Variants in IDS observed in about 807,000 individuals in gnomAD.
The protein encoded by IDS is iduronate 2-sulfatase, also known as alpha-L-iduronate sulfate sulfatase.
In IDS, 1 loss-of-function variant was observed where a neutral mutation model predicts 33.5. That is an observed-to-expected ratio of 0.03 (90% CI 0.01 to 0.14). The LOEUF is 0.14. Ranked by LOEUF, IDS falls within the 10% of genes least tolerant of loss-of-function variation. The pLI is 1.00. For synonymous variants in IDS, 191 were observed against 184.4 expected (o/e 1.04, Z -0.29); for missense variants, 328 against 448.0 (o/e 0.73, Z 2.42).
At chrX:149,487,445 C>T in intron 7 of IDS, 2 of 515,921 alleles carry the variant, frequency 3.9e-6, no homozygotes, top group Non-Finnish European at 6.8e-6. Context: ...CATGCTCATT[C>T]TTGACAGGCT....
intron 4 of IDS, 109 bp downstream of exon 4, chrX:149,500,840 C>A: frequency 1.8e-6 from 1 of 567,698 alleles, no homozygotes; most frequent in Non-Finnish European, 3.1e-6. Context: ...ATGAAACCCA[C>A]AACTTCGTGG....
intron 3 of IDS, chrX:149,502,220 G>C (rs1557340080): frequency 1.2e-5 from 4 of 320,558 alleles, no homozygotes; most frequent in Non-Finnish European, 2.4e-5. Context: ...ATGGTGCTTA[G>C]AGCCTGGTGC....
chrX:149,491,845 C>T (rs920556746), intron 6 of IDS, among the ~76,000 whole-genome samples: 2 of 112,311 alleles, frequency 1.8e-5, no homozygotes, highest in Non-Finnish European at 3.8e-5. Context: ...ATCAGTGAGG[C>T]CTGCTGGGTC....
Position 149,480,186 on chromosome X carries a change from G to T in IDS, c.*2560C>A. On this transcript the variant is annotated 3_prime_UTR_variant, in exon 9 of 9. Coordinates refer to ENST00000340855, the MANE Select transcript of IDS (RefSeq NM_000202.8). ...CTGTCTAGACCCAGTAGTAGGCACT[G>T]ACGGTGTTATCAAAGGACAGGATCA... 1 of 292,497 alleles carries T rather than the reference G, an allele frequency of 3.4e-6. No homozygotes were observed. The highest frequency in any genetic ancestry group is 2.1e-4 in the South Asian group (1 of 4,776). 24.1% of individuals were successfully genotyped at this position (292,497 alleles called of 1,213,427 possible).
At chrX:149,491,856 T>C (rs782737314) in intron 6 of IDS, among the ~76,000 whole-genome samples, 2 of 112,425 alleles carry the variant, frequency 1.8e-5, no homozygotes, top group Middle Eastern at 4.6e-3. Flanking sequence ...CTGCTGGGTC[T>C]GTCCTGCAGA....
chrX:149,501,231 C>T (rs2089478256), intron 3 of IDS, among the ~76,000 whole-genome samples, 194 bp from the exon 4 acceptor site: 1 of 111,868 alleles, frequency 8.9e-6, no homozygotes, highest in Admixed American at 9.4e-5. Context: ...ACTTCCTGGT[C>T]CCTAAGCCCT....
At chrX:149,501,093 C>A in intron 3 of IDS, 56 bp from the exon 4 acceptor site, 1 of 740,807 alleles carries the variant, frequency 1.3e-6, no homozygotes, top group Non-Finnish European at 2.1e-6. Context: ...ACCCCACTCC[C>A]CATAATTAAA....
At position 149,505,098 on chromosome X, in the gene IDS, C is replaced by G. The variant is rs1557340590; in HGVS notation, c.40G>C (p.Gly14Arg). The change falls in exon 1 of 9, where the codon GGT becomes CGT. Residue 14 changes from glycine (G) to arginine (R), a missense_variant. Physicochemically the swap from Gly to Arg is moderately radical, Grantham distance 125. This residue lies in a region of IDS where 45 missense variants were observed against 33.6 expected (regional missense o/e 1.34). Transcript: ENST00000340855. ...PRTGRGLLWL[G>R]LVLSSVCVAL... ...ACGCAGACGGAGCTCAGAACCAGAC[C>G]CAGCCAGAGAAGGCCTCGGCCGGTC... 8.3e-7 allele frequency: 1 copy of G among 1,204,114 alleles called. No individual in the cohort carries two copies. The highest frequency in any genetic ancestry group is 1.1e-6 in the Non-Finnish European group (1 of 889,899).
intron 4 of IDS, among the ~76,000 whole-genome samples, chrX:149,499,910 A>G (rs1225869052): frequency 1.8e-5 from 2 of 110,888 alleles, no homozygotes; most frequent in African/African-American, 6.6e-5. Flanking sequence ...CGTGAGACCA[A>G]AGTTAGTTCT....
chrX:149,477,131 G>A lies in IDS; in HGVS notation c.*5615C>T, dbSNP rs1201957284. ...ACTGAATAAAAATCACCTGCAAAAG[G>A]TTCTTTCAGAAACACACCCAAAACT... On this transcript the variant is annotated 3_prime_UTR_variant, in exon 9 of 9. Transcript: ENST00000340855. The A allele has an allele frequency of 8.9e-6, 1 of 112,402 alleles. No individual in the cohort carries two copies. 9.3% of individuals were successfully genotyped at this position (112,402 alleles called of 1,213,427 possible).
rs1160259798 is a variant in IDS at position 149,482,669 on chromosome X, A to G, written c.*77T>C. 1.7e-6 allele frequency: 2 copies of G among 1,196,523 alleles called. No individual in the cohort carries two copies. Among genetic ancestry groups the G allele is most frequent in the African/African-American group, 1.7e-5 (1 of 57,560 alleles). On this transcript the variant is annotated 3_prime_UTR_variant, in exon 9 of 9. Transcript: ENST00000340855. ...TGCTTCCAATATTATGGGTAATCAC[A>G]AAACGACCAGCTCTAACTCCTCCTC...
chrX:149,483,149 T>C lies in IDS; in HGVS notation c.1250A>G (p.Gln417Arg). 8.3e-7 allele frequency: 1 copy of C among 1,211,119 alleles called. No individual in the cohort carries two copies. The highest frequency in any genetic ancestry group is 1.1e-6 in the Non-Finnish European group (1 of 895,216). Residue 417 changes from glutamine to arginine, a missense_variant, in exon 9 of 9, where the codon CAG (glutamine) becomes CGG (arginine). Physicochemically the swap from Gln to Arg is conservative, Grantham distance 43. Coordinates refer to ENST00000340855, the MANE Select transcript of IDS (RefSeq NM_000202.8). ...AGGAACGGGGCAGCGAGGTGGAACC[T>C]GCAGTCCTGCAAGTCCAGCCAGCGT... ...FPTLAGLAGLQVPPRCPVPSF... is the reference protein window; with the variant it reads ...FPTLAGLAGLRVPPRCPVPSF...
At position 149,479,906 on chromosome X, in the gene IDS, C is replaced by CAAGA; in HGVS notation, c.*2836_*2839dup. On this transcript the variant is annotated 3_prime_UTR_variant, in exon 9 of 9. Transcript: ENST00000340855. ...ATACCTTTTTAAAGTAAAGCGAACA[C>CAAGA]AAGATTCTTTAGCAATGTTCATTCC... 1 of 199,480 alleles carries CAAGA rather than the reference C, an allele frequency of 5.0e-6. No individual in the cohort carries two copies. Among genetic ancestry groups the CAAGA allele is most frequent in the East Asian group, 8.3e-5 (1 of 12,098 alleles). The allele number at this position is 199,480 out of a possible 1,213,427, so 16.4% of individuals were successfully genotyped here.
At chrX:149,483,644 C>T (rs2089311519) in intron 8 of IDS, among the ~76,000 whole-genome samples, 1 of 112,283 alleles carries the variant, frequency 8.9e-6, no homozygotes, top group Non-Finnish European at 1.9e-5. Flanking sequence ...TTATTACGAT[C>T]AAATACACAC....
intron 7 of IDS, chrX:149,487,320 A>C: frequency 8.6e-7 from 1 of 1,159,555 alleles, no homozygotes; most frequent in Non-Finnish European, 1.2e-6. Flanking sequence ...AAACCTTTAA[A>C]AAAGAAAAAA....
At chrX:149,494,503 C>T (rs931830638) in intron 6 of IDS, among the ~76,000 whole-genome samples, 16 of 111,289 alleles carry the variant, frequency 1.4e-4, no homozygotes, top group Non-Finnish European at 2.3e-4. Flanking sequence ...GAAGAGATCC[C>T]AGAGCTGAGT....
intron 8 of IDS, 147 bp from the exon 9 acceptor site, chrX:149,483,365 C>G: frequency 4.1e-6 from 2 of 482,888 alleles, no homozygotes; most frequent in Non-Finnish European, 7.3e-6. Flanking sequence ...CGTTTAGAAA[C>G]ACCACCTCGG....
chrX:149,503,394 G>A lies in IDS; in HGVS notation c.336C>T (p.His112=), dbSNP rs138687038. The A allele has an allele frequency of 1.9e-4, 227 of 1,192,970 alleles. No homozygotes were observed. The African/African-American group carries it at 2.4e-3, about 12-fold the overall frequency. Reference sequence around the variant, plus strand: ...GGGGGATGGTGGAGAAGTTTCCAGCGTGCACCCTCCAGTAGGAGTTGAAGT... The same window carrying A: ...GGGGGATGGTGGAGAAGTTTCCAGCATGCACCCTCCAGTAGGAGTTGAAGT... ...LYDFNSYWRV[H]AGNFSTIPQY... is the part of the protein sequence containing the mutation. The change falls in exon 3 of 9, where the codon CAC becomes CAT. Residue 112 remains histidine (H), a synonymous_variant. Transcript: ENST00000340855.
Position 149,480,960 on chromosome X carries a change from A to G in IDS, c.*1786T>C, listed in dbSNP as rs1249921579. On this transcript the variant is annotated 3_prime_UTR_variant, in exon 9 of 9. Coordinates refer to ENST00000340855, the MANE Select transcript of IDS (RefSeq NM_000202.8). Reference sequence around the variant, plus strand: ...TTTCTACAAATAAAGTGACGGGAGGACCACTAATAAGTTATGTCCAGCTTA... The same window carrying G: ...TTTCTACAAATAAAGTGACGGGAGGGCCACTAATAAGTTATGTCCAGCTTA... 8.9e-6 allele frequency: 1 copy of G among 112,034 alleles called. No individual in the cohort carries two copies. Among genetic ancestry groups the G allele is most frequent in the East Asian group, 2.8e-4 (1 of 3,608 alleles). 9.2% of individuals were successfully genotyped at this position (112,034 alleles called of 1,213,427 possible).
Sources: gnomAD v4.1 joint callset for allele counts (sites outside exome capture counted in the v4.1 genomes callset) on GRCh38, gnomAD v4.1.1 for gene constraint, gnomAD v4.1.1 regional missense constraint, MANE v1.5 for transcripts, NCBI Gene and HGNC (gene_info 2026-07-23, HGNC 2026-07-21) for gene names.